Variants in ZNF521 observed in about 807,000 individuals in gnomAD.
ZNF521 encodes the protein LYST-interacting protein 3.
In ZNF521, 14 loss-of-function variants were observed where a neutral mutation model predicts 105.5. The observed-to-expected ratio is 0.13, with a 90% CI of 0.09 to 0.21. The LOEUF (loss-of-function observed/expected upper bound fraction) is 0.21. ZNF521 is among the 10% of genes least tolerant of loss of function. The pLI, the probability that ZNF521 is intolerant of heterozygous loss-of-function variation, is 1.00. For missense variants in ZNF521, 1,233 were observed against 1,629.7 expected, an observed-to-expected ratio of 0.76 and a Z score of 4.19; for synonymous variants, 635 against 606.0, an observed-to-expected ratio of 1.05 and a Z score of -0.70.
At chr18:25,121,330 C>T (rs567017916) in intron 5 of ZNF521, among the ~76,000 whole-genome samples, 1 of 149,722 alleles carries the variant, frequency 6.7e-6, no homozygotes, top group East Asian at 2.0e-4. Context: ...TCTCAGCTCA[C>T]TGCAACCTCC....
intron 3 of ZNF521, among the ~76,000 whole-genome samples, chr18:25,279,236 T>A (rs1003787971): frequency 6.6e-6 from 1 of 152,194 alleles, no homozygotes; most frequent in African/African-American, 2.4e-5. Context: ...TATTATGGAA[T>A]TAATTTGGAC....
intron 5 of ZNF521, among the ~76,000 whole-genome samples, chr18:25,134,123 C>G (rs1424109611): frequency 2.0e-5 from 3 of 152,102 alleles, no homozygotes; most frequent in African/African-American, 7.2e-5. Context: ...CAACTACAAA[C>G]AGGAAGCTGC....
intron 5 of ZNF521, among the ~76,000 whole-genome samples, chr18:25,159,191 C>A (rs921236468): frequency 6.6e-6 from 1 of 151,984 alleles, no homozygotes; most frequent in South Asian, 2.1e-4. Context: ...TAAAGGTAAC[C>A]GAGAAGCTGA....
chr18:25,173,315 T>C (rs28562112), intron 5 of ZNF521, among the ~76,000 whole-genome samples: 9,558 of 152,292 alleles, frequency 0.063, 562 homozygotes, highest in African/African-American at 0.15. Context: ...AGTCACTTCC[T>C]GATTATCCTC....
At chr18:25,141,288 GA>G (rs2034842742) in intron 5 of ZNF521, among the ~76,000 whole-genome samples, 1 of 152,094 alleles carries the variant, frequency 6.6e-6, no homozygotes, top group Admixed American at 6.6e-5. Flanking sequence ...AAAAAGTTAA[GA>G]AAAAAAGCTG....
intron 7 of ZNF521, among the ~76,000 whole-genome samples, chr18:25,087,966 T>A (rs1245245561): frequency 2.0e-5 from 3 of 152,284 alleles, no homozygotes; most frequent in East Asian, 3.9e-4. Flanking sequence ...TTTTGACACA[T>A]AACTCACATA....
intron 3 of ZNF521, among the ~76,000 whole-genome samples, chr18:25,272,049 A>C (rs1909697004): frequency 6.6e-6 from 1 of 152,188 alleles, no homozygotes; most frequent in Admixed American, 6.5e-5. Flanking sequence ...TCTACAAAGA[A>C]CTTAAACAAA....
chr18:25,072,529 T>C (rs1019759463), intron 7 of ZNF521, among the ~76,000 whole-genome samples: 1 of 151,658 alleles, frequency 6.6e-6, no homozygotes, highest in African/African-American at 2.4e-5. Context: ...ACCTTGAGAG[T>C]GGGGGAAAAA....
At chr18:25,111,689 C>A (rs1046039628) in intron 5 of ZNF521, among the ~76,000 whole-genome samples, 8 of 152,210 alleles carry the variant, frequency 5.3e-5, no homozygotes, top group African/African-American at 1.9e-4. Flanking sequence ...AGGGGCTAAA[C>A]TGCCCATTCA....
chr18:25,227,015 C>T lies in ZNF521; in HGVS notation c.903G>A (p.Glu301=), dbSNP rs1292032049. Residue 301 remains glutamate, a synonymous_variant, in exon 4 of 8, where the codon GAG becomes GAA. Transcript: ENST00000361524. This position sits in a 1 kb window ranked among gnomAD's most constrained non-coding sequence, Gnocchi z 5.7. ...TCTTCTTCTCCCCGCTATGCACCTG[C>T]TCCATGTGGTTCATGAGGGAGGTCT... The part of the protein sequence containing the change: ...VEETSLMNHM[E]QVHSGEKKNS... 3 of 1,614,180 alleles carry T rather than the reference C, an allele frequency of 1.9e-6. No homozygotes were observed. Among genetic ancestry groups the T allele is most frequent in the Admixed American group, 3.3e-5 (2 of 60,026 alleles).
Position 25,089,534 on chromosome 18 carries a change from A to G in ZNF521, c.3837T>C (p.His1279=), listed in dbSNP as rs2033699655. The G allele has an allele frequency of 6.2e-7, 1 of 1,614,218 alleles. No individual in the cohort carries two copies. Among genetic ancestry groups the G allele is most frequent in the Non-Finnish European group, 8.5e-7 (1 of 1,180,018 alleles). Residue 1279 remains histidine (H), a synonymous_variant, in exon 7 of 8, where the codon CAT becomes CAC. Transcript: ENST00000361524. The part of the protein sequence containing the change: ...NKLQQHIFSA[H]GQEDKIYDCT... The stretch of plus-strand genomic sequence containing the variant: ...AGTCATAGATCTTGTCTTCTTGTCC[A>G]TGGGCAGAGAAAATATGCTGCTGCA...
At chr18:25,108,528 T>C (rs1296472312) in intron 5 of ZNF521, among the ~76,000 whole-genome samples, 1 of 152,218 alleles carries the variant, frequency 6.6e-6, no homozygotes, top group Admixed American at 6.5e-5. Context: ...ATAGTTCTTA[T>C]TCCATTTTAA....
At chr18:25,246,378 A>T (rs1405428274) in intron 3 of ZNF521, among the ~76,000 whole-genome samples, 1 of 152,240 alleles carries the variant, frequency 6.6e-6, no homozygotes, top group Non-Finnish European at 1.5e-5. Flanking sequence ...TTCAGTGCGT[A>T]TAACACCACA....
At chr18:25,184,392 C>T (rs1035789925) in intron 5 of ZNF521, among the ~76,000 whole-genome samples, 10 of 152,106 alleles carry the variant, frequency 6.6e-5, no homozygotes, top group Admixed American at 2.0e-4. Flanking sequence ...GCAGAGTTCA[C>T]ATTTATTCTG....
intron 3 of ZNF521, among the ~76,000 whole-genome samples, chr18:25,255,187 C>T (rs1055799187): frequency 5.3e-5 from 8 of 152,212 alleles, no homozygotes; most frequent in Non-Finnish European, 1.2e-4. Flanking sequence ...ATAATTGCTG[C>T]TTTTACTCAT....
At chr18:25,333,811 T>C (rs1913724412) in intron 2 of ZNF521, among the ~76,000 whole-genome samples, 1 of 152,252 alleles carries the variant, frequency 6.6e-6, no homozygotes, top group African/African-American at 2.4e-5. Context: ...GTTTCTCCTC[T>C]ATCTGCTTCA....
In ZNF521 at chr18:25,061,954, G is replaced by A. The variant is rs2032908172; in HGVS notation, c.*758C>T. ...TGGTAAACTGAATTTATTTCCTCTT[G>A]GAAAACAATTCCAGTAATCTCCAGG... On this transcript the variant is annotated 3_prime_UTR_variant, in exon 8 of 8. Transcript: ENST00000361524. The A allele has an allele frequency of 5.5e-6, 1 of 181,560 alleles. No individual in the cohort carries two copies. The highest frequency in any genetic ancestry group is 2.0e-4 in the South Asian group (1 of 5,082). The allele number at this position is 181,560 out of a possible 1,614,324, so 11.2% of individuals were successfully genotyped here.
At chr18:25,261,993 T>G (rs2144897726) in intron 3 of ZNF521, among the ~76,000 whole-genome samples, 1 of 152,306 alleles carries the variant, frequency 6.6e-6, no homozygotes, top group Non-Finnish European at 1.5e-5. Context: ...ACTAGGATTA[T>G]AAAACTCTTA....
rs756904913 is a variant in ZNF521, at chr18:25,303,271, C to CGTGTGTGT, written c.220+18729_220+18736dup. Among the ~76,000 whole-genome samples, 652 of 132,666 alleles carry CGTGTGTGT rather than the reference C, an allele frequency of 4.9e-3. 6 individuals are homozygous for CGTGTGTGT. The highest frequency in any genetic ancestry group is 0.013 in the African/African-American group (429 of 32,832). The allele number at this position is 132,666 out of a possible 152,430, so 87.0% of individuals were successfully genotyped here. ...AAAAAAAGAAACTCTTTCTTTCTTT[C>CGTGTGTGT]GTGTGTGTGTGTGTGTGTGTGTGTG... On this transcript the variant is annotated intron_variant, in intron 3 of 7. Transcript: ENST00000361524.
Sources: gnomAD v4.1 joint callset for allele counts (sites outside exome capture counted in the v4.1 genomes callset) on GRCh38, gnomAD v4.1.1 for gene constraint, Gnocchi (gnomAD v3.1) non-coding constraint, MANE v1.5 for transcripts, NCBI Gene and HGNC (gene_info 2026-07-23, HGNC 2026-07-21) for gene names.